NTRK1: variants seen among roughly 807,000 people sequenced by gnomAD.
The protein encoded by NTRK1 is neurotrophic receptor tyrosine kinase 1.
Under a neutral mutation model 86.8 loss-of-function variants are expected in NTRK1, and 62 were observed. The observed-to-expected ratio is 0.71, with a 90% CI of 0.58 to 0.88. The LOEUF (loss-of-function observed/expected upper bound fraction) is 0.88. NTRK1 is among the 40% of genes least tolerant of loss of function. The probability of loss-of-function intolerance (pLI) is 0.00; values close to 1 mark genes in which losing one functional copy is unlikely to be tolerated. For synonymous variants in NTRK1, 469 were observed against 456.6 expected, an observed-to-expected ratio of 1.03 and a Z score of -0.35; for missense variants, 967 against 1,078.4, an observed-to-expected ratio of 0.90 and a Z score of 1.45.
At chr1:156,835,055 G>A (rs942337635) in intron 1 of NTRK1, among the ~76,000 whole-genome samples, 6 of 152,174 alleles carry the variant, frequency 3.9e-5, no homozygotes, top group South Asian at 2.1e-4. Flanking sequence ...GGCAGAGGCC[G>A]ACCACACAGG....
chr1:156,821,876 G>C (rs1442767898), intron 1 of NTRK1, among the ~76,000 whole-genome samples: 1 of 152,172 alleles, frequency 6.6e-6, no homozygotes, highest in Non-Finnish European at 1.5e-5. Context: ...CGACATAGAG[G>C]TTTCATCCTC....
intron 1 of NTRK1, chr1:156,840,950 G>T (rs1654754757): frequency 1.1e-5 from 18 of 1,614,000 alleles, no homozygotes; most frequent in Non-Finnish European, 1.5e-5. Flanking sequence ...TCGGTGGTAG[G>T]CAGGGAGCCC....
At chr1:156,840,111 G>A (rs911236771) in intron 1 of NTRK1, 2 of 150,704 alleles carry the variant, frequency 1.3e-5, no homozygotes, top group African/African-American at 4.9e-5. Flanking sequence ...CTTCCCATGA[G>A]AGGCAGGGGT....
intron 1 of NTRK1, among the ~76,000 whole-genome samples, chr1:156,835,082 G>C (rs541813661): frequency 6.6e-6 from 1 of 152,258 alleles, no homozygotes; most frequent in Non-Finnish European, 1.5e-5. Flanking sequence ...AGGGGAAGGT[G>C]CCCTCACTTT....
Position 156,880,305 on chromosome 1 carries a change from C to T in NTRK1, c.2205+148C>T, listed in dbSNP as rs184769950. On this transcript the variant is annotated intron_variant, in intron 16 of 16. Coordinates refer to ENST00000524377, the MANE Select transcript of NTRK1 (RefSeq NM_002529.4). ...CAGCGCCGTGCCCACACTGTGTCCC[C>T]TCCACTGTGGCCCTTTTCTTCTCTT... is the stretch of plus-strand genomic sequence containing the variant. The T allele has an allele frequency of 1.7e-4, 134 of 789,704 alleles. 1 individual carries two copies. In the East Asian group the frequency reaches 3.2e-3, roughly 19 times the overall value. The allele number at this position is 789,704 out of a possible 1,614,324, so 48.9% of individuals were successfully genotyped here.
intron 1 of NTRK1, among the ~76,000 whole-genome samples, chr1:156,835,176 T>C (rs1232839861): frequency 6.6e-6 from 1 of 152,140 alleles, no homozygotes; most frequent in South Asian, 2.1e-4. Flanking sequence ...CTGAGAAGTG[T>C]CTGCTTTTCT....
At position 156,868,594 on chromosome 1, in the gene NTRK1, C is replaced by G. The variant is rs999621346; in HGVS notation, c.664C>G (p.Leu222Val). 7 of 1,551,538 alleles carry G rather than the reference C, an allele frequency of 4.5e-6. No individual in the cohort carries two copies. The highest frequency in any genetic ancestry group is 2.4e-5 in the East Asian group (1 of 40,978). Reference sequence around the variant, plus strand: ...GCGGTGCCAGGTGGAGGGGCGGGGCCTGGAGCAGGCCGGCTGGATCCTCAC... The same window carrying G: ...GCGGTGCCAGGTGGAGGGGCGGGGCGTGGAGCAGGCCGGCTGGATCCTCAC... ...LLRCQVEGRG[L>V]EQAGWILTEL... is the part of the protein sequence containing the mutation. Residue 222 changes from leucine to valine, a missense_variant, in exon 6 of 17, where the codon CTG becomes GTG. By Grantham distance (32) the Leu-to-Val change is conservative (BLOSUM62 1). Around this residue, in one of 2 missense-constraint regions of NTRK1, gnomAD observed 330 missense variants for 302.0 expected, o/e 1.09. Transcript: ENST00000524377.
chr1:156,817,065 C>CTCTCTCTCTCTT (rs1284961306), intron 1 of NTRK1, among the ~76,000 whole-genome samples: 6 of 151,594 alleles, frequency 4.0e-5, no homozygotes, highest in African/African-American at 9.7e-5. Context: ...CTCTCTCTCT[C>CTCTCTCTCTCTT]TCTCTCTCTC....
intron 2 of NTRK1, chr1:156,842,573 A>G: frequency 8.2e-7 from 1 of 1,214,818 alleles, no homozygotes; most frequent in Admixed American, 1.8e-5. Context: ...CAAAATTCTG[A>G]TCTGCTATGA....
intron 1 of NTRK1, among the ~76,000 whole-genome samples, chr1:156,827,539 C>T (rs1571643233): frequency 6.6e-6 from 1 of 152,228 alleles, no homozygotes. Context: ...TGAGATTACA[C>T]GTGTGAACCA....
Position 156,876,147 on chromosome 1 carries a change from G to A in NTRK1, c.1569G>A (p.Lys523=), listed in dbSNP as rs1647889781. 2.5e-6 allele frequency: 4 copies of A among 1,614,212 alleles called. No individual in the cohort carries two copies. The highest frequency in any genetic ancestry group is 8.5e-7 in the Non-Finnish European group (1 of 1,180,036). ...AGCTGGGGGAGGGCGCCTTTGGGAA[G>A]GTCTTCCTTGCTGAGTGCCACAACC... is the stretch of plus-strand genomic sequence containing the variant. The part of the protein sequence containing the change: ...KWELGEGAFG[K]VFLAECHNLL... Residue 523 remains lysine (K), a synonymous_variant, in exon 13 of 17, where the codon AAG becomes AAA. Coordinates refer to ENST00000524377, the MANE Select transcript of NTRK1 (RefSeq NM_002529.4).
intron 2 of NTRK1, chr1:156,848,928 T>G (rs755093693): frequency 1.3e-6 from 2 of 1,575,442 alleles, no homozygotes; most frequent in Middle Eastern, 1.7e-4. Flanking sequence ...CACGACTCCT[T>G]GTAGTACACG....
chr1:156,837,474 A>G (rs1654624949), intron 1 of NTRK1, among the ~76,000 whole-genome samples: 1 of 152,190 alleles, frequency 6.6e-6, no homozygotes, highest in African/African-American at 2.4e-5. Flanking sequence ...GCTCAATTTC[A>G]TGGTGGATGA....
At position 156,876,407 on chromosome 1, in the gene NTRK1, A is replaced by C; in HGVS notation, c.1640A>C (p.Lys547Thr). 6.2e-7 allele frequency: 1 copy of C among 1,613,786 alleles called. No individual in the cohort carries two copies. Among genetic ancestry groups the C allele is most frequent in the Non-Finnish European group, 8.5e-7 (1 of 1,180,000 alleles). Reference protein sequence around the residue: ...DKMLVAVKALKEASESARQDF... With the variant: ...DKMLVAVKALTEASESARQDF... ...CCTGCCGCTTCCATCCAGGCACTGA[A>C]GGAGGCGTCCGAGAGTGCTCGGCAG... The change falls in exon 14 of 17, where the codon AAG becomes ACG. Residue 547 changes from lysine (K) to threonine (T), a missense_variant. This residue lies in a region of NTRK1 where 637 missense variants were observed against 776.5 expected (regional missense o/e 0.82). Coordinates refer to ENST00000524377, the MANE Select transcript of NTRK1 (RefSeq NM_002529.4).
At chr1:156,829,445 C>T (rs1654407369) in intron 1 of NTRK1, among the ~76,000 whole-genome samples, 2 of 152,262 alleles carry the variant, frequency 1.3e-5, no homozygotes, top group East Asian at 1.9e-4. Context: ...GCACAGGTCC[C>T]TCCAGCCCAG....
At position 156,871,649 on chromosome 1, in the gene NTRK1, G is replaced by A. The variant is rs1647561017; in HGVS notation, c.744G>A (p.Gly248=). 6.2e-7 allele frequency: 1 copy of A among 1,613,992 alleles called. No homozygotes were observed. Among genetic ancestry groups the A allele is most frequent in the African/African-American group, 1.3e-5 (1 of 74,886 alleles). ...VMKSGGLPSL[G]LTLANVTSDL... ...AATCTGGGGGTCTGCCATCCCTGGG[G>A]CTGACCCTGGCCAATGTCACCAGTG... Residue 248 remains glycine (G), a synonymous_variant, in exon 7 of 17, where the codon GGG becomes GGA. Transcript: ENST00000524377.
chr1:156,861,770 T>C (rs952047543), intron 1 of NTRK1, among the ~76,000 whole-genome samples: 8 of 152,096 alleles, frequency 5.3e-5, no homozygotes, highest in African/African-American at 1.9e-4. Flanking sequence ...CACTCCCATC[T>C]CCCTCTCCAA....
At chr1:156,858,489 C>A (rs762394574), upstream of NTRK1, 2 of 1,503,854 alleles carry the variant, frequency 1.3e-6, no homozygotes, top group Admixed American at 1.7e-5. Flanking sequence ...GGCCTCCCAG[C>A]TGGCTGGGAG....
chr1:156,871,907 A>T (rs1647580514), intron 7 of NTRK1, 152 bp downstream of exon 7: 1 of 1,128,572 alleles, frequency 8.9e-7, no homozygotes, highest in African/African-American at 1.5e-5. Context: ...TGAAAACCTG[A>T]TCCTTTGGGG....
Sources: gnomAD v4.1 joint callset for allele counts (sites outside exome capture counted in the v4.1 genomes callset) on GRCh38, gnomAD v4.1.1 for gene constraint, gnomAD v4.1.1 regional missense constraint, MANE v1.5 for transcripts, NCBI Gene and HGNC (gene_info 2026-07-23, HGNC 2026-07-21) for gene names.